Variants in THRB observed in about 807,000 individuals in gnomAD.
The protein encoded by THRB is nuclear receptor subfamily 1 group A member 2.
THRB carries 12 observed loss-of-function variants against 47.8 expected under a neutral mutation model. That is an observed-to-expected ratio of 0.25 (90% CI 0.16 to 0.41). The LOEUF (loss-of-function observed/expected upper bound fraction) is 0.41, where lower values mean the gene tolerates loss of function less well. Among genes scored for constraint, THRB ranks in the 10% least tolerant of loss-of-function variants. The pLI is 1.00. For synonymous variants in THRB, 218 were observed against 212.2 expected (o/e 1.03, Z -0.24); for missense variants, 348 against 589.2 (o/e 0.59, Z 4.24).
intron 1 of THRB, among the ~76,000 whole-genome samples, chr3:24,462,905 C>G (rs2073823465): frequency 6.6e-6 from 1 of 152,196 alleles, no homozygotes; most frequent in South Asian, 2.1e-4. Context: ...AACTAGTACC[C>G]AAAGGCTGAT....
intron 5 of THRB, among the ~76,000 whole-genome samples, chr3:24,188,858 A>AATTATATATATATAT (rs369706128): frequency 1.1e-5 from 1 of 94,342 alleles, no homozygotes; most frequent in Non-Finnish European, 1.9e-5. Flanking sequence ...GATCTCCTCA[A>AATTATATATATATAT]ATATATATAT....
chr3:24,359,334 G>A (rs752164929), intron 1 of THRB, among the ~76,000 whole-genome samples: 1 of 152,148 alleles, frequency 6.6e-6, no homozygotes, highest in African/African-American at 2.4e-5. Context: ...CAGCATGGCA[G>A]CTTCAGGGTA....
At chr3:24,329,308 A>G (rs946100217) in intron 2 of THRB, among the ~76,000 whole-genome samples, 4 of 152,206 alleles carry the variant, frequency 2.6e-5, no homozygotes, top group African/African-American at 4.8e-5. Flanking sequence ...ATGTCTTTGC[A>G]TATTCTACTT....
chr3:24,448,135 A>C (rs1462201279), intron 1 of THRB, among the ~76,000 whole-genome samples: 1 of 152,066 alleles, frequency 6.6e-6, no homozygotes, highest in Non-Finnish European at 1.5e-5. Context: ...TGCCATTTGC[A>C]GAGCACTGAC....
At chr3:24,220,367 T>C (rs1222410424) in intron 4 of THRB, among the ~76,000 whole-genome samples, 1 of 152,150 alleles carries the variant, frequency 6.6e-6, no homozygotes, top group Non-Finnish European at 1.5e-5. Flanking sequence ...GGTGAGTTCC[T>C]GTAGTCCCAG....
At chr3:24,284,119 C>A (rs979208885) in intron 3 of THRB, among the ~76,000 whole-genome samples, 1 of 147,286 alleles carries the variant, frequency 6.8e-6, no homozygotes. Context: ...GCCCGCATCG[C>A]CAAGTCAATC....
At chr3:24,481,812 G>A (rs1696468138) in intron 1 of THRB, among the ~76,000 whole-genome samples, 1 of 148,254 alleles carries the variant, frequency 6.7e-6, no homozygotes, top group Non-Finnish European at 1.5e-5. Context: ...TGGACTCCAA[G>A]GGACAAAAGT....
At chr3:24,136,766 C>G (rs1048647723) in intron 8 of THRB, among the ~76,000 whole-genome samples, 1 of 152,176 alleles carries the variant, frequency 6.6e-6, no homozygotes, top group African/African-American at 2.4e-5. Flanking sequence ...TGAGCTAGCT[C>G]ATGGTGGTAT....
chr3:24,458,559 A>C (rs1351315120), intron 1 of THRB: 3 of 152,190 alleles, frequency 2.0e-5, no homozygotes, highest in African/African-American at 7.2e-5. Context: ...ACTGGTTACT[A>C]ACAATTTAGC....
intron 1 of THRB, among the ~76,000 whole-genome samples, chr3:24,406,528 G>T (rs191421844): frequency 6.6e-6 from 1 of 151,378 alleles, no homozygotes; most frequent in African/African-American, 2.4e-5. Flanking sequence ...GACTAAATTT[G>T]CCAGAATTTT....
At chr3:24,375,382 A>G (rs1446738416) in intron 1 of THRB, among the ~76,000 whole-genome samples, 1 of 139,258 alleles carries the variant, frequency 7.2e-6, no homozygotes, top group African/African-American at 2.6e-5. Context: ...GACATATAAT[A>G]TTAATATATT....
chr3:24,141,826 G>C (rs1291798267), intron 8 of THRB, among the ~76,000 whole-genome samples: 1 of 152,220 alleles, frequency 6.6e-6, no homozygotes, highest in Non-Finnish European at 1.5e-5. Context: ...TGCCAGGCCT[G>C]GAAGTGGTTT....
At chr3:24,451,401 T>C (rs1347959232) in intron 1 of THRB, among the ~76,000 whole-genome samples, 1 of 151,700 alleles carries the variant, frequency 6.6e-6, no homozygotes, top group African/African-American at 2.4e-5. Flanking sequence ...GCCTAGCTAA[T>C]TTTTTTTGTA....
chr3:24,376,521 C>A (rs2065299806), intron 1 of THRB, among the ~76,000 whole-genome samples: 1 of 152,086 alleles, frequency 6.6e-6, no homozygotes, highest in Non-Finnish European at 1.5e-5. Flanking sequence ...GTGAGACCTA[C>A]CCCAAACAGC....
intron 3 of THRB, among the ~76,000 whole-genome samples, chr3:24,291,638 T>A (rs2055929016): frequency 6.6e-6 from 1 of 152,238 alleles, no homozygotes; most frequent in South Asian, 2.1e-4. Flanking sequence ...AAAAAAGGTT[T>A]ATACATGTTT....
chr3:24,389,973 A>G (rs1430576560), intron 1 of THRB, among the ~76,000 whole-genome samples: 1 of 152,160 alleles, frequency 6.6e-6, no homozygotes, highest in Non-Finnish European at 1.5e-5. Flanking sequence ...CAGTATAAAA[A>G]TGTCTTCGTA....
intron 1 of THRB, among the ~76,000 whole-genome samples, chr3:24,405,353 T>G (rs1393618777): frequency 6.6e-6 from 1 of 151,954 alleles, no homozygotes; most frequent in African/African-American, 2.4e-5. Context: ...TTACAGACTG[T>G]CTATGGCCGC....
intron 5 of THRB, among the ~76,000 whole-genome samples, chr3:24,179,582 C>T (rs1268401355): frequency 6.6e-6 from 1 of 152,106 alleles, no homozygotes; most frequent in African/African-American, 2.4e-5. Context: ...TATAGGTCTG[C>T]CTGAGGAGCT....
intron 1 of THRB, among the ~76,000 whole-genome samples, chr3:24,376,055 A>G (rs1392876555): frequency 6.6e-6 from 1 of 152,184 alleles, no homozygotes; most frequent in Non-Finnish European, 1.5e-5. Context: ...AACTTTCTGT[A>G]AATATGAAGT....
Sources: allele counts gnomAD v4.1 joint callset (sites outside exome capture counted in the v4.1 genomes callset), GRCh38; gene constraint gnomAD v4.1.1; transcripts MANE v1.5; gene names NCBI Gene and HGNC (gene_info 2026-07-23, HGNC 2026-07-21).